Variants in DMRT2 observed in about 807,000 individuals in gnomAD.
DMRT2 encodes doublesex- and mab-3-related transcription factor 2.
Under a neutral mutation model 43.5 loss-of-function variants are expected in DMRT2, and 33 were observed. That is an observed-to-expected ratio of 0.76 (90% CI 0.58 to 1.01). DMRT2 has a LOEUF of 1.01. Among genes scored for constraint, DMRT2 ranks in the 50% least tolerant of loss-of-function variants. DMRT2 has a pLI of 0.00. For synonymous variants in DMRT2, 395 were observed against 309.2 expected (o/e 1.28, Z -2.91); for missense variants, 1,064 against 748.0 (o/e 1.42, Z -4.93).
At position 1,051,956 on chromosome 9, in the gene DMRT2, C is replaced by G. The variant is rs990052236; in HGVS notation, c.343C>G (p.Arg115Gly). The G allele has an allele frequency of 7.2e-7, 1 of 1,397,576 alleles. No homozygotes were observed. Among genetic ancestry groups the G allele is most frequent in the Non-Finnish European group, 9.2e-7 (1 of 1,082,712 alleles). The allele number at this position is 1,397,576 out of a possible 1,614,324, so 86.6% of individuals were successfully genotyped here. Reference protein sequence around the residue: ...CTPAGGGAEPRKLSRTPKCAR... With the variant: ...CTPAGGGAEPGKLSRTPKCAR... Reference sequence around the variant, plus strand: ...TCCCGCGGGCGGCGGCGCGGAGCCGCGCAAGCTGAGCCGCACGCCCAAGTG... The same window carrying G: ...TCCCGCGGGCGGCGGCGCGGAGCCGGGCAAGCTGAGCCGCACGCCCAAGTG... The change falls in exon 2 of 4, where the codon CGC becomes GGC. Residue 115 changes from arginine to glycine, a missense_variant. Coordinates refer to ENST00000358146, the MANE Select transcript of DMRT2 (RefSeq NM_181872.6). The surrounding 1 kb of genome is among the most constrained non-coding windows in gnomAD (Gnocchi z 5.9).
At chr9:1,053,887 A>C (rs1821787687) in intron 3 of DMRT2, 63 bp downstream of exon 3, 1 of 1,376,556 alleles carries the variant, frequency 7.3e-7, no homozygotes, top group East Asian at 2.3e-5. Context: ...ATTAATCAGC[A>C]CAAAGTGTGT....
At chr9:1,055,051 G>T (rs972386776) in intron 3 of DMRT2, among the ~76,000 whole-genome samples, 1 of 152,166 alleles carries the variant, frequency 6.6e-6, no homozygotes, top group African/African-American at 2.4e-5. Context: ...TTACAAACTG[G>T]ATAAACAGAT....
In DMRT2 at chr9:1,053,717, T is replaced by G. The variant is rs760253944; in HGVS notation, c.526-5T>G. 1.2e-5 allele frequency: 19 copies of G among 1,611,038 alleles called. No homozygotes were observed. Among genetic ancestry groups the G allele is most frequent in the African/African-American group, 8.0e-5 (6 of 74,822 alleles). On this transcript the variant is annotated splice_polypyrimidine_tract_variant and splice_region_variant and intron_variant, in intron 2 of 3. Coordinates refer to ENST00000358146, the MANE Select transcript of DMRT2 (RefSeq NM_181872.6). The stretch of plus-strand genomic sequence containing the variant: ...CATTATTGATGATGTTTCTTGTGTT[T>G]ACAGGACAAGAAGGGGCTTTCCGGG...
chr9:1,057,100 G>C lies in DMRT2; in HGVS notation c.1513G>C (p.Glu505Gln), dbSNP rs752714481. 1.2e-6 allele frequency: 2 copies of C among 1,614,118 alleles called. No individual in the cohort carries two copies. Among genetic ancestry groups the C allele is most frequent in the South Asian group, 1.1e-5 (1 of 91,064 alleles). Residue 505 changes from glutamate (E) to glutamine (Q), a missense_variant, in exon 4 of 4, where the codon GAG becomes CAG. Physicochemically the swap from Glu to Gln is conservative, Grantham distance 29. Coordinates refer to ENST00000358146, the MANE Select transcript of DMRT2 (RefSeq NM_181872.6). ...TGAAGAGACCCCTAAGAAACACAGA[G>C]AGTGTTTAGTTAAGGACAACCAGAA... is the stretch of plus-strand genomic sequence containing the variant. ...AFEETPKKHR[E>Q]CLVKDNQKYT... is the part of the protein sequence containing the mutation.
In DMRT2 at chr9:1,057,046, T is replaced by A. The variant is rs778824742; in HGVS notation, c.1459T>A (p.Leu487Met). Residue 487 changes from leucine (L) to methionine (M), a missense_variant, in exon 4 of 4, where the codon TTG becomes ATG. By Grantham distance (15) the Leu-to-Met change is conservative. Coordinates refer to ENST00000358146, the MANE Select transcript of DMRT2 (RefSeq NM_181872.6). ...QTLTDKSGPE[L>M]KTPFVKEAFE... ...ACTTACTGACAAATCGGGTCCTGAG[T>A]TGAAAACACCATTTGTCAAAGAGGC... 1 of 1,614,202 alleles carries A rather than the reference T, an allele frequency of 6.2e-7. No individual in the cohort carries two copies. The highest frequency in any genetic ancestry group is 1.1e-5 in the South Asian group (1 of 91,080).
intron 3 of DMRT2, chr9:1,055,976 A>T (rs974114094): frequency 1.4e-6 from 2 of 1,404,482 alleles, no homozygotes; most frequent in African/African-American, 2.9e-5. Context: ...CATAACAACC[A>T]CAACAAGCAA....
intron 3 of DMRT2, among the ~76,000 whole-genome samples, chr9:1,054,818 G>A (rs1821858495): frequency 6.6e-6 from 1 of 151,896 alleles, no homozygotes; most frequent in African/African-American, 2.4e-5. Flanking sequence ...TAGACATTTG[G>A]ATTCTGTTTT....
At position 1,053,731 on chromosome 9, in the gene DMRT2, G is replaced by C; in HGVS notation, c.535G>C (p.Gly179Arg). The change falls in exon 3 of 4, where the codon GGG becomes CGG. Residue 179 changes from glycine to arginine, a missense_variant. Transcript: ENST00000358146. ...RRQQATEDKK[G>R]LSGKQNNFER... ...TTTCTTGTGTTTACAGGACAAGAAG[G>C]GGCTTTCCGGGAAACAGAATAATTT... The C allele has an allele frequency of 6.2e-7, 1 of 1,613,514 alleles. No individual in the cohort carries two copies. The highest frequency in any genetic ancestry group is 8.5e-7 in the Non-Finnish European group (1 of 1,179,628).
At position 1,057,447 on chromosome 9, in the gene DMRT2, T is replaced by G; in HGVS notation, c.*174T>G. The G allele has an allele frequency of 1.5e-6, 1 of 688,606 alleles. No homozygotes were observed. The highest frequency in any genetic ancestry group is 2.3e-6 in the Non-Finnish European group (1 of 433,600). 42.7% of individuals were successfully genotyped at this position (688,606 alleles called of 1,614,324 possible). A position where few individuals can be genotyped will look rare whatever the true frequency, so the allele number is the denominator to read the frequency against. On this transcript the variant is annotated 3_prime_UTR_variant, in exon 4 of 4. Transcript: ENST00000358146. ...ATGTACTTTTTCTTATCACATATAT[T>G]TAAACTTACAGATGGAAATTGCCCA...
In DMRT2 at chr9:1,052,061, G is replaced by T. The variant is rs369093745; in HGVS notation, c.448G>T (p.Ala150Ser). The stretch of plus-strand genomic sequence containing the variant: ...CTGTCGCTGGCGCGACTGCCAGTGC[G>T]CCAACTGCCTGCTGGTGGTGGAGCG... The part of the protein sequence containing the change: ...RFCRWRDCQC[A>S]NCLLVVERQR... Residue 150 changes from alanine to serine, a missense_variant, in exon 2 of 4, where the codon GCC becomes TCC. Transcript: ENST00000358146. 53 of 1,468,832 alleles carry T rather than the reference G, an allele frequency of 3.6e-5. No individual in the cohort carries two copies. In the Admixed American group the frequency reaches 1.2e-3, roughly 33 times the overall value. 91.0% of individuals were successfully genotyped at this position (1,468,832 alleles called of 1,614,324 possible).
rs371521290 is a variant in DMRT2 at position 1,057,071 on chromosome 9, C to T, written c.1484C>T (p.Ala495Val). The change falls in exon 4 of 4, where the codon GCC becomes GTC. Residue 495 changes from alanine (A) to valine (V), a missense_variant. Physicochemically the swap from Ala to Val is moderately conservative, Grantham distance 64. Coordinates refer to ENST00000358146, the MANE Select transcript of DMRT2 (RefSeq NM_181872.6). ...TTGAAAACACCATTTGTCAAAGAGG[C>T]CTTTGAAGAGACCCCTAAGAAACAC... ...PELKTPFVKE[A>V]FEETPKKHRE... is the part of the protein sequence containing the mutation. 87 of 1,614,010 alleles carry T rather than the reference C, an allele frequency of 5.4e-5. No homozygotes were observed. The highest frequency in any genetic ancestry group is 1.6e-4 in the Middle Eastern group (1 of 6,084).
intron 3 of DMRT2, 188 bp from the exon 4 acceptor site, chr9:1,056,028 A>G (rs1821959244): frequency 1.4e-6 from 2 of 1,422,022 alleles, no homozygotes; most frequent in African/African-American, 1.4e-5. Flanking sequence ...CAGTATGGAT[A>G]TCTTTCACCC....
In DMRT2 at chr9:1,054,417, T is replaced by A. The variant is rs1050946910; in HGVS notation, c.628+593T>A. On this transcript the variant is annotated intron_variant, in intron 3 of 3. Transcript: ENST00000358146. ...GCTCTTTTTCATTGTACTTTTTTTTTTTTTTTTGGATTACTTGGATAATTC... is the reference window on the plus strand; with the variant it reads ...GCTCTTTTTCATTGTACTTTTTTTTATTTTTTTGGATTACTTGGATAATTC... Among the ~76,000 whole-genome samples the A allele has an allele frequency of 4.2e-3, 632 of 152,040 alleles. 3 individuals are homozygous for A. The highest frequency in any genetic ancestry group is 0.015 in the African/African-American group (613 of 41,400).
intron 1 of DMRT2, among the ~76,000 whole-genome samples, 181 bp downstream of exon 1, chr9:1,050,956 A>G (rs987066967): frequency 5.3e-5 from 8 of 152,098 alleles, no homozygotes; most frequent in African/African-American, 1.9e-4. Context: ...GGGCGTCTGT[A>G]TTGTGCTCTT....
chr9:1,056,985 TAG>T lies in DMRT2; in HGVS notation c.1400_1401del (p.Arg467ThrfsTer2). On this transcript the variant is annotated frameshift_variant, in exon 4 of 4. Transcript: ENST00000358146. LOFTEE classifies it high-confidence loss of function. ...AAAACACCAGGCACCCTCTGCCACTTAGACATAATCCATTCCACTCATTATTC... is the reference window on the plus strand; with the variant it reads ...AAAACACCAGGCACCCTCTGCCACTTACATAATCCATTCCACTCATTATTC... ...KENTRHPLPL[R>X]HNPFHSLFQQ... The T allele has an allele frequency of 1.2e-6, 2 of 1,614,194 alleles. No homozygotes were observed. Among genetic ancestry groups the T allele is most frequent in the Non-Finnish European group, 1.7e-6 (2 of 1,180,042 alleles).
chr9:1,056,910 C>A lies in DMRT2; in HGVS notation c.1323C>A (p.Asp441Glu), dbSNP rs770028960. 1.2e-6 allele frequency: 2 copies of A among 1,614,058 alleles called. No homozygotes were observed. The highest frequency in any genetic ancestry group is 2.7e-5 in the African/African-American group (2 of 74,914). ...PPRRNFSPIV[D>E]TDSLAAQGHV... Reference sequence around the variant, plus strand: ...GACGGAATTTCTCTCCCATTGTTGACACGGACTCCCTGGCAGCTCAAGGGC... The same window carrying A: ...GACGGAATTTCTCTCCCATTGTTGAAACGGACTCCCTGGCAGCTCAAGGGC... The change falls in exon 4 of 4, where the codon GAC (aspartate) becomes GAA (glutamate). Residue 441 changes from aspartate (D) to glutamate (E), a missense_variant. Transcript: ENST00000358146.
At chr9:1,052,475 T>TG (rs1417562728) in intron 2 of DMRT2, among the ~76,000 whole-genome samples, 3 of 151,628 alleles carry the variant, frequency 2.0e-5, no homozygotes, top group African/African-American at 2.4e-5. Flanking sequence ...GGCGGGGGCT[T>TG]GGGGGGAGAG....
In DMRT2 at chr9:1,051,695, G is replaced by C. The variant is rs763491458; in HGVS notation, c.82G>C (p.Gly28Arg). ...CCTGGAGCTGGAAGAGGACGTCTGC[G>C]GGGCGCCGCGGTCCACGCCCCCCGG... The part of the protein sequence containing the change: ...ESLELEEDVC[G>R]APRSTPPGPS... The change falls in exon 2 of 4, where the codon GGG becomes CGG. Residue 28 changes from glycine to arginine, a missense_variant. Transcript: ENST00000358146. The surrounding 1 kb of genome is among the most constrained non-coding windows in gnomAD (Gnocchi z 5.9). The C allele has an allele frequency of 9.0e-6, 14 of 1,555,698 alleles. No homozygotes were observed. Among genetic ancestry groups the C allele is most frequent in the South Asian group, 1.2e-5 (1 of 85,760 alleles).
In DMRT2 at chr9:1,053,741, G is replaced by T; in HGVS notation, c.545G>T (p.Gly182Val). The T allele has an allele frequency of 6.2e-7, 1 of 1,613,684 alleles. No homozygotes were observed. Among genetic ancestry groups the T allele is most frequent in the East Asian group, 2.2e-5 (1 of 44,882 alleles). ...TTACAGGACAAGAAGGGGCTTTCCG[G>T]GAAACAGAATAATTTCGAGCGCAAA... ...QATEDKKGLS[G>V]KQNNFERKAV... is the part of the protein sequence containing the mutation. The change falls in exon 3 of 4, where the codon GGG (glycine) becomes GTG (valine). Residue 182 changes from glycine (G) to valine (V), a missense_variant. Gly to Val is a moderately radical substitution (Grantham distance 109). Coordinates refer to ENST00000358146, the MANE Select transcript of DMRT2 (RefSeq NM_181872.6).
Sources: gnomAD v4.1 joint callset for allele counts (sites outside exome capture counted in the v4.1 genomes callset) on GRCh38, gnomAD v4.1.1 for gene constraint, Gnocchi (gnomAD v3.1) non-coding constraint, MANE v1.5 for transcripts, NCBI Gene and HGNC (gene_info 2026-07-23, HGNC 2026-07-21) for gene names.